NCALD: variants seen among roughly 807,000 people sequenced by gnomAD.
The protein encoded by NCALD is neurocalcin-delta.
In NCALD, 10 loss-of-function variants were observed where a neutral mutation model predicts 18.6. That is an observed-to-expected ratio of 0.54 (90% confidence interval 0.33 to 0.91). The LOEUF is 0.91. Among genes scored for constraint, NCALD ranks in the 40% least tolerant of loss-of-function variants. NCALD has a pLI of 0.03. For missense variants in NCALD, 184 were observed against 247.6 expected (o/e 0.74, Z 1.72); for synonymous variants, 88 against 87.4 (o/e 1.01, Z -0.04).
At chr8:102,073,657 G>A (rs1223425041) in intron 1 of NCALD, among the ~76,000 whole-genome samples, 1 of 152,214 alleles carries the variant, frequency 6.6e-6, no homozygotes, top group African/African-American at 2.4e-5. Context: ...TATCACATGG[G>A]CTGCTGGCAC....
chr8:101,721,589 T>C (rs1816358200), intron 1 of NCALD, among the ~76,000 whole-genome samples: 3 of 152,288 alleles, frequency 2.0e-5, no homozygotes, highest in Admixed American at 2.0e-4. Flanking sequence ...GCCTGTCTGG[T>C]GGCCTCACTA....
chr8:102,000,783 C>T (rs988669314), intron 2 of NCALD, among the ~76,000 whole-genome samples: 21 of 152,278 alleles, frequency 1.4e-4, no homozygotes, highest in South Asian at 6.2e-4. Context: ...AGTGGACCTC[C>T]GGCAAACTCC....
chr8:102,090,653 T>C (rs188185728), intron 1 of NCALD, among the ~76,000 whole-genome samples: 1 of 152,326 alleles, frequency 6.6e-6, no homozygotes, highest in East Asian at 1.9e-4. Context: ...AACTTTTCTT[T>C]TGAGCTATTT....
At position 101,872,254 on chromosome 8, in the gene NCALD, C is replaced by T. The variant is rs1234144229; in HGVS notation, c.-20+14887G>A. 22 of 1,402,014 alleles carry T rather than the reference C, an allele frequency of 1.6e-5. No homozygotes were observed. In the East Asian group the frequency reaches 2.3e-4, roughly 15 times the overall value. The allele number at this position is 1,402,014 out of a possible 1,614,324, so 86.8% of individuals were successfully genotyped here. A position where few individuals can be genotyped will look rare whatever the true frequency, so the allele number is the denominator to read the frequency against. The stretch of plus-strand genomic sequence containing the variant: ...GGTAACTTCTTGAACATAATACTTC[C>T]CTGAAATCTCCAAAACTTCTCCAAA... On this transcript the variant is annotated intron_variant, in intron 4 of 6. Coordinates refer to the NCALD transcript ENST00000311028.
chr8:101,698,971 A>G (rs762301122), intron 2 of NCALD, among the ~76,000 whole-genome samples: 30 of 152,210 alleles, frequency 2.0e-4, no homozygotes, highest in Non-Finnish European at 4.3e-4. Flanking sequence ...AGAAACTATC[A>G]TCAGAGTGAA....
chr8:102,076,595 G>C (rs909973795), intron 1 of NCALD, among the ~76,000 whole-genome samples: 1 of 152,174 alleles, frequency 6.6e-6, no homozygotes, highest in South Asian at 2.1e-4. Context: ...TCTCCAGAGA[G>C]AATGCATCCT....
chr8:101,782,070 T>C (rs1245583323), intron 1 of NCALD, among the ~76,000 whole-genome samples: 3 of 80,228 alleles, frequency 3.7e-5, no homozygotes, highest in African/African-American at 9.3e-5. Context: ...TCAGTATATA[T>C]ATATTGTATG....
intron 4 of NCALD, among the ~76,000 whole-genome samples, chr8:101,851,341 TAA>T (rs1363945451): frequency 2.6e-5 from 4 of 151,866 alleles, no homozygotes; most frequent in Admixed American, 2.6e-4. Flanking sequence ...TTTCTAGATG[TAA>T]AGAGAGAGGG....
intron 2 of NCALD, among the ~76,000 whole-genome samples, chr8:102,007,883 G>C (rs189557089): frequency 4.9e-4 from 75 of 152,276 alleles, no homozygotes; most frequent in Non-Finnish European, 9.3e-4. Flanking sequence ...TTCTGTTTCT[G>C]AGTACACTTT....
intron 1 of NCALD, among the ~76,000 whole-genome samples, chr8:102,046,151 G>T (rs1312113820): frequency 6.6e-6 from 1 of 152,186 alleles, no homozygotes; most frequent in African/African-American, 2.4e-5. Flanking sequence ...ATTGCATCAA[G>T]TATCTATAAA....
rs143418085 is a variant in NCALD, at chr8:101,851,896, C to T, written c.-20+35245G>A. Among the ~76,000 whole-genome samples the T allele has an allele frequency of 1.9e-3, 289 of 152,174 alleles. 1 individual carries two copies. The highest frequency in any genetic ancestry group is 6.4e-3 in the East Asian group (33 of 5,184). On this transcript the variant is annotated intron_variant, in intron 4 of 6. Transcript: ENST00000311028. ...AGTGATATTAAGAGGTGGGGCTTTT[C>T]GAGAGGTGATTAAGTCATGAGGGCT...
At chr8:101,942,130 GTATA>G (rs1818980903) in intron 2 of NCALD, among the ~76,000 whole-genome samples, 1 of 152,124 alleles carries the variant, frequency 6.6e-6, no homozygotes. Context: ...TTCCAACACT[GTATA>G]TAGCTTGTCT....
intron 2 of NCALD, among the ~76,000 whole-genome samples, chr8:101,937,159 G>T (rs1007735757): frequency 3.9e-5 from 6 of 151,986 alleles, no homozygotes; most frequent in Non-Finnish European, 8.8e-5. Flanking sequence ...ATCATTCTAG[G>T]GATCCAGTGC....
At chr8:101,794,418 AAAAAGG>A (rs1274471680), upstream of NCALD, among the ~76,000 whole-genome samples, 1 of 151,994 alleles carries the variant, frequency 6.6e-6, no homozygotes, top group Non-Finnish European at 1.5e-5. Context: ...CCAACCTCAA[AAAAAGG>A]AAAAGAAGAA....
intron 4 of NCALD, among the ~76,000 whole-genome samples, chr8:101,820,564 A>T (rs1160236482): frequency 1.3e-5 from 2 of 152,170 alleles, no homozygotes; most frequent in African/African-American, 4.8e-5. Context: ...TATACTGTAA[A>T]AAAATTAATA....
intron 2 of NCALD, among the ~76,000 whole-genome samples, chr8:101,697,845 G>A (rs1815073086): frequency 6.6e-6 from 1 of 152,138 alleles, no homozygotes; most frequent in Admixed American, 6.5e-5. Flanking sequence ...TACTGAATGG[G>A]CAAAAGCTGG....
intron 1 of NCALD, among the ~76,000 whole-genome samples, chr8:101,769,479 C>A (rs970241395): frequency 2.0e-5 from 3 of 152,136 alleles, no homozygotes; most frequent in Admixed American, 1.3e-4. Flanking sequence ...ACCTAATAGA[C>A]CATATTCCTT....
chr8:102,060,216 T>C (rs981293584), intron 1 of NCALD, among the ~76,000 whole-genome samples: 5 of 133,368 alleles, frequency 3.7e-5, no homozygotes, highest in Non-Finnish European at 7.6e-5. Flanking sequence ...CTCCTGACCT[T>C]GTGATCTGCC....
chr8:102,050,963 A>T (rs977576282), intron 1 of NCALD, among the ~76,000 whole-genome samples: 2 of 148,518 alleles, frequency 1.3e-5, no homozygotes, highest in East Asian at 3.9e-4. Context: ...TATATATACA[A>T]AAATATCTAG....
Sources: allele counts gnomAD v4.1 joint callset (sites outside exome capture counted in the v4.1 genomes callset), GRCh38; gene constraint gnomAD v4.1.1; transcripts MANE v1.5; gene names NCBI Gene and HGNC (gene_info 2026-07-23, HGNC 2026-07-21).